The following PTGER3 variants were observed in gnomAD, a reference collection of about 807,000 sequenced individuals.
PTGER3 encodes the protein prostaglandin E2 receptor EP3 subtype.
In PTGER3, 22 loss-of-function variants were observed where a neutral mutation model predicts 34.7. That is an observed-to-expected ratio of 0.63 (90% CI 0.45 to 0.91). The LOEUF (loss-of-function observed/expected upper bound fraction) is 0.91, where lower values mean the gene tolerates loss of function less well. Among genes scored for constraint, PTGER3 ranks in the 40% least tolerant of loss-of-function variants. The pLI is 0.00. For synonymous variants in PTGER3, 241 were observed against 230.1 expected, an observed-to-expected ratio of 1.05 and a Z score of -0.43; for missense variants, 468 against 519.4, an observed-to-expected ratio of 0.90 and a Z score of 0.96.
chr1:71,038,145 T>C (rs555380888), intron 1 of PTGER3, among the ~76,000 whole-genome samples: 1 of 152,366 alleles, frequency 6.6e-6, no homozygotes, highest in South Asian at 2.1e-4. Flanking sequence ...ACACTTCTTT[T>C]TTCCAAATTT....
At chr1:70,879,795 G>C (rs1646350022) in intron 4 of PTGER3, among the ~76,000 whole-genome samples, 1 of 151,966 alleles carries the variant, frequency 6.6e-6, no homozygotes, top group Non-Finnish European at 1.5e-5. Flanking sequence ...TTGCATTTAA[G>C]GTTGATATTG....
chr1:70,932,667 C>T (rs1648823552), intron 4 of PTGER3, among the ~76,000 whole-genome samples: 1 of 152,124 alleles, frequency 6.6e-6, no homozygotes, highest in South Asian at 2.1e-4. Flanking sequence ...GGGGAAATTG[C>T]ACCCATGATT....
chr1:71,006,896 C>T (rs1023750761), intron 2 of PTGER3: 57 of 985,230 alleles, frequency 5.8e-5, no homozygotes, highest in Non-Finnish European at 6.9e-5. Flanking sequence ...TTGACAAACA[C>T]GACATAAATA....
intron 4 of PTGER3, among the ~76,000 whole-genome samples, chr1:70,943,344 C>CA (rs1320551879): frequency 6.6e-6 from 1 of 152,084 alleles, no homozygotes; most frequent in Non-Finnish European, 1.5e-5. Context: ...GCCAGGGTGA[C>CA]AATCATGTAG....
downstream of PTGER3, among the ~76,000 whole-genome samples, chr1:70,949,956 G>A (rs1364882544): frequency 6.7e-6 from 1 of 149,802 alleles, no homozygotes; most frequent in Non-Finnish European, 1.5e-5. Flanking sequence ...TAAGAATATG[G>A]CAAAGTTCAG....
chr1:70,886,350 T>G (rs895362171), intron 4 of PTGER3: 3 of 446,068 alleles, frequency 6.7e-6, no homozygotes, highest in African/African-American at 4.0e-5. Context: ...AAATTTCTGT[T>G]GTTTAAGCCA....
intron 1 of PTGER3, among the ~76,000 whole-genome samples, chr1:71,023,373 C>T (rs1009006566): frequency 6.6e-6 from 1 of 151,884 alleles, no homozygotes; most frequent in Non-Finnish European, 1.5e-5. Context: ...CTGCAGTCCC[C>T]TTTATATGCT....
intron 2 of PTGER3, among the ~76,000 whole-genome samples, chr1:70,979,887 C>T (rs184253555): frequency 6.6e-6 from 1 of 152,276 alleles, no homozygotes; most frequent in African/African-American, 2.4e-5. Context: ...CTTGAATCTT[C>T]ATCTTTTAAG....
chr1:70,933,216 AT>A, intron 4 of PTGER3, among the ~76,000 whole-genome samples: 1 of 152,228 alleles, frequency 6.6e-6, no homozygotes, highest in East Asian at 1.9e-4. Context: ...TTTAAGACTT[AT>A]AGCAGTTTCC....
At chr1:70,933,317 G>A (rs188446966) in intron 4 of PTGER3, among the ~76,000 whole-genome samples, 197 of 152,170 alleles carry the variant, frequency 1.3e-3, no homozygotes, top group Non-Finnish European at 2.1e-3. Flanking sequence ...TCTTGCTTGT[G>A]ACTGACTGCT....
At chr1:71,007,049 C>A in intron 2 of PTGER3, 1 of 985,202 alleles carries the variant, frequency 1.0e-6, no homozygotes. Flanking sequence ...TATTTAAATA[C>A]ACTGACGATA....
intron 1 of PTGER3, among the ~76,000 whole-genome samples, chr1:71,030,354 A>G (rs902545319): frequency 6.6e-6 from 1 of 152,208 alleles, no homozygotes; most frequent in South Asian, 2.1e-4. Context: ...GTTTGCAAGA[A>G]TCCCAATTGC....
At chr1:70,931,251 C>G (rs1648661788) in intron 4 of PTGER3, among the ~76,000 whole-genome samples, 1 of 152,202 alleles carries the variant, frequency 6.6e-6, no homozygotes, top group Non-Finnish European at 1.5e-5. Context: ...AGCTCTGCCC[C>G]TGTGGCTTTG....
intron 4 of PTGER3, chr1:70,862,423 A>T (rs916954079): frequency 3.8e-6 from 5 of 1,322,068 alleles, no homozygotes; most frequent in Non-Finnish European, 5.1e-6. Context: ...CAATAGAAAT[A>T]TTGTGCTGAA....
At chr1:70,856,529 A>G (rs979668233) in intron 4 of PTGER3, among the ~76,000 whole-genome samples, 11 of 152,048 alleles carry the variant, frequency 7.2e-5, no homozygotes, top group Admixed American at 4.6e-4. Context: ...GTCACAAATG[A>G]TGATCAAAAA....
chr1:70,865,276 G>C (rs889090500), intron 4 of PTGER3, among the ~76,000 whole-genome samples: 3 of 152,140 alleles, frequency 2.0e-5, no homozygotes, highest in Non-Finnish European at 4.4e-5. Flanking sequence ...CAGTAGGGGT[G>C]TGGTGAAGTG....
intron 4 of PTGER3, among the ~76,000 whole-genome samples, chr1:70,862,741 AAAAGAAG>A (rs1186516865): frequency 1.3e-5 from 2 of 152,140 alleles, no homozygotes; most frequent in Non-Finnish European, 2.9e-5. Context: ...AAGGAGGAGG[AAAAGAAG>A]AAAGAAGGGA....
chr1:70,878,541 A>G lies in PTGER3; in HGVS notation c.*24-25682T>C, dbSNP rs572870055. ...GGGGTTGGTTTGCTCTTGTTTCTCT[A>G]GTTTCTCTAATTGTGATGGTAGTTA... On this transcript the variant is annotated intron_variant, in intron 4 of 4. Transcript: ENST00000370931. 1.4e-4 allele frequency among the ~76,000 whole-genome samples: 21 copies of G among 151,908 alleles called. No individual in the cohort carries two copies. The South Asian group carries it at 4.2e-3, about 30-fold the overall frequency.
intron 1 of PTGER3, among the ~76,000 whole-genome samples, chr1:71,017,631 T>C (rs1003092758): frequency 5.9e-5 from 9 of 152,098 alleles, no homozygotes; most frequent in Admixed American, 2.6e-4. Flanking sequence ...GAGATATGCT[T>C]GTTTAAAAGT....
Sources: allele counts gnomAD v4.1 joint callset (sites outside exome capture counted in the v4.1 genomes callset), GRCh38; gene constraint gnomAD v4.1.1; transcripts MANE v1.5; gene names NCBI Gene and HGNC (gene_info 2026-07-23, HGNC 2026-07-21).